The following TIMP2 variants were observed in gnomAD, a reference collection of about 807,000 sequenced individuals.
The protein encoded by TIMP2 is metalloproteinase inhibitor 2.
A neutral mutation model predicts 24.3 loss-of-function variants in TIMP2; 5 were observed. The ratio of observed to expected loss-of-function variants is 0.21; its 90% CI spans 0.11 to 0.43. The LOEUF is 0.43. Ranked by LOEUF, TIMP2 falls within the 20% of genes least tolerant of loss-of-function variation. The pLI is 1.00. For synonymous variants in TIMP2, 130 were observed against 123.2 expected (o/e 1.06, Z -0.37); for missense variants, 221 against 297.5 (o/e 0.74, Z 1.89).
intron 1 of TIMP2, among the ~76,000 whole-genome samples, chr17:78,921,960 A>G (rs2145798922): frequency 6.6e-6 from 1 of 152,360 alleles, no homozygotes; most frequent in Admixed American, 6.5e-5. Context: ...CATGCAGCCA[A>G]GAGTAAAAGG....
chr17:78,861,579 G>A (rs2069567281), intron 3 of TIMP2, among the ~76,000 whole-genome samples: 1 of 152,030 alleles, frequency 6.6e-6, no homozygotes, highest in Admixed American at 6.6e-5. Flanking sequence ...GCAGGAAGAA[G>A]AGATGAAGTG....
intron 1 of TIMP2, among the ~76,000 whole-genome samples, chr17:78,900,362 G>A (rs1020024728): frequency 1.3e-5 from 2 of 152,026 alleles, no homozygotes; most frequent in Non-Finnish European, 2.9e-5. Flanking sequence ...CCTGACCAAC[G>A]TGGTGAAACC....
chr17:78,901,786 G>C (rs778595734), intron 1 of TIMP2: 2 of 717,286 alleles, frequency 2.8e-6, no homozygotes, highest in East Asian at 2.7e-5. Context: ...GGTACTTACT[G>C]TGTGTGTCTC....
chr17:78,881,465 C>T (rs970743313), intron 1 of TIMP2, among the ~76,000 whole-genome samples: 1 of 152,250 alleles, frequency 6.6e-6, no homozygotes, highest in Non-Finnish European at 1.5e-5. Flanking sequence ...CAGCCCAGAG[C>T]ACCCACAGTG....
chr17:78,869,211 C>T (rs1403059443), intron 3 of TIMP2, among the ~76,000 whole-genome samples: 11 of 151,108 alleles, frequency 7.3e-5, no homozygotes, highest in South Asian at 2.1e-4. Flanking sequence ...GCTTGAGCCT[C>T]GGAGTTCAAG....
intron 3 of TIMP2, among the ~76,000 whole-genome samples, chr17:78,865,524 T>G (rs1044422331): frequency 1.3e-5 from 2 of 151,146 alleles, no homozygotes; most frequent in Non-Finnish European, 2.9e-5. Flanking sequence ...CTCGGAAGGC[T>G]GAGGCAGGAG....
chr17:78,918,091 C>CACACAT (rs2070279060), intron 1 of TIMP2, among the ~76,000 whole-genome samples: 2 of 152,102 alleles, frequency 1.3e-5, no homozygotes, highest in Admixed American at 6.5e-5. Flanking sequence ...CACACACACA[C>CACACAT]ACACACACAA....
intron 3 of TIMP2, among the ~76,000 whole-genome samples, chr17:78,861,668 T>C (rs1258156559): frequency 2.0e-5 from 3 of 151,602 alleles, no homozygotes; most frequent in Non-Finnish European, 4.4e-5. Flanking sequence ...AGCGGTGCCA[T>C]CTCGACTCAC....
chr17:78,902,070 C>T, intron 1 of TIMP2: 1 of 505,706 alleles, frequency 2.0e-6, no homozygotes, highest in Non-Finnish European at 3.5e-6. Flanking sequence ...TTCTCCCCAA[C>T]TCTTAGCCAC....
chr17:78,874,799 G>A (rs2069716027), intron 1 of TIMP2, among the ~76,000 whole-genome samples: 1 of 151,276 alleles, frequency 6.6e-6, no homozygotes, highest in Admixed American at 6.6e-5. Flanking sequence ...AGAGTGCAGT[G>A]GCATGATCTT....
At chr17:78,892,920 G>A (rs2069924327) in intron 1 of TIMP2, among the ~76,000 whole-genome samples, 2 of 152,158 alleles carry the variant, frequency 1.3e-5, no homozygotes, top group South Asian at 2.1e-4. Context: ...GGGATGGAGG[G>A]GCACAAAGGG....
chr17:78,882,085 C>T (rs1436054984), intron 1 of TIMP2, among the ~76,000 whole-genome samples: 2 of 152,234 alleles, frequency 1.3e-5, no homozygotes, highest in East Asian at 3.9e-4. Context: ...CTGCCTCAGC[C>T]TCTGGAGTAG....
Position 78,891,378 on chromosome 17 carries a change from C to G in TIMP2, c.131-17459G>C. The stretch of plus-strand genomic sequence containing the variant: ...TCTTGCATCTCTGAGAAGGCATGCC[C>G]TTCCCCAGGTCTCTGGTCCATCCTG... On this transcript the variant is annotated intron_variant, in intron 1 of 4. Coordinates refer to ENST00000262768, the MANE Select transcript of TIMP2 (RefSeq NM_003255.5). This position sits in a 1 kb window ranked among gnomAD's most constrained non-coding sequence, Gnocchi z 4.5. The G allele has an allele frequency of 1.3e-6, 2 of 1,550,682 alleles. No individual in the cohort carries two copies. The highest frequency in any genetic ancestry group is 1.7e-6 in the Non-Finnish European group (2 of 1,147,036).
At position 78,915,235 on chromosome 17, in the gene TIMP2, T is replaced by C. The variant is rs148230871; in HGVS notation, c.130+9724A>G. On this transcript the variant is annotated intron_variant, in intron 1 of 4. Transcript: ENST00000262768. ...TGAAAGTACTGTGCTCTGAACATTTTTCTAGGTCATAAACACAAATCTGTA... is the reference window on the plus strand; with the variant it reads ...TGAAAGTACTGTGCTCTGAACATTTCTCTAGGTCATAAACACAAATCTGTA... Among the ~76,000 whole-genome samples, 373 of 152,258 alleles carry C rather than the reference T, an allele frequency of 2.4e-3. 3 individuals are homozygous for C. Among genetic ancestry groups the C allele is most frequent in the African/African-American group, 8.5e-3 (352 of 41,550 alleles).
intron 1 of TIMP2, among the ~76,000 whole-genome samples, chr17:78,890,142 A>G (rs991872101): frequency 6.6e-6 from 1 of 152,030 alleles, no homozygotes; most frequent in Non-Finnish European, 1.5e-5. Flanking sequence ...AATAAAGGCA[A>G]GATTAGGGAA....
chr17:78,890,551 A>G, intron 1 of TIMP2: 1 of 1,399,094 alleles, frequency 7.1e-7, no homozygotes, highest in Non-Finnish European at 9.6e-7. Flanking sequence ...TGAGGCAATG[A>G]CGCAAACACA....
rs1480821374 is a variant in TIMP2, at chr17:78,895,173, C to T, written c.131-21254G>A. 3.9e-5 allele frequency among the ~76,000 whole-genome samples: 6 copies of T among 152,148 alleles called. No homozygotes were observed. In the South Asian group the frequency reaches 8.3e-4, roughly 21 times the overall value. ...GTACGCACCTATAATCCCAGCTACT[C>T]GGGAAGCTAAGGCAGGAGAATTGCT... On this transcript the variant is annotated intron_variant, in intron 1 of 4. Coordinates refer to ENST00000262768, the MANE Select transcript of TIMP2 (RefSeq NM_003255.5).
chr17:78,922,962 G>A (rs1369447969), intron 1 of TIMP2, among the ~76,000 whole-genome samples: 1 of 152,096 alleles, frequency 6.6e-6, no homozygotes, highest in Non-Finnish European at 1.5e-5. Flanking sequence ...GAAGGAACTG[G>A]CTCTGTGGAC....
In TIMP2 at chr17:78,924,771, G is replaced by A. The variant is rs1009776516; in HGVS notation, c.130+188C>T. 6.6e-6 allele frequency among the ~76,000 whole-genome samples: 1 copy of A among 152,118 alleles called. No homozygotes were observed. The highest frequency in any genetic ancestry group is 2.4e-5 in the African/African-American group (1 of 41,430). ...CTCGGCAAAGAGAGGGAAAGAAAGG[G>A]AGAGGAGGGAGGGGGGAAAGAAAGT... On this transcript the variant is annotated intron_variant, in intron 1 of 4. Transcript: ENST00000262768. The surrounding 1 kb of genome is among the most constrained non-coding windows in gnomAD (Gnocchi z 5.3).
Sources: allele counts gnomAD v4.1 joint callset (sites outside exome capture counted in the v4.1 genomes callset), GRCh38; gene constraint gnomAD v4.1.1; non-coding constraint Gnocchi (gnomAD v3.1); transcripts MANE v1.5; gene names NCBI Gene and HGNC (gene_info 2026-07-23, HGNC 2026-07-21).